VRK2: variants seen among roughly 807,000 people sequenced by gnomAD.
VRK2 encodes the protein serine/threonine-protein kinase VRK2.
Under a neutral mutation model 57.6 loss-of-function variants are expected in VRK2, and 60 were observed. That is an observed-to-expected ratio of 1.04 (90% CI 0.85 to 1.29). The LOEUF is 1.29. VRK2 is among the 50% of genes most tolerant of loss of function. VRK2 has a pLI of 0.00. For synonymous variants in VRK2, 231 were observed against 199.2 expected (o/e 1.16, Z -1.35); for missense variants, 705 against 588.1 (o/e 1.20, Z -2.06).
intron 1 of VRK2, among the ~76,000 whole-genome samples, chr2:57,993,735 C>A (rs1488201018): frequency 2.0e-5 from 3 of 152,208 alleles, no homozygotes; most frequent in Non-Finnish European, 4.4e-5. Context: ...GGGGATGCTT[C>A]TCTTTAGGGG....
intron 7 of VRK2, among the ~76,000 whole-genome samples, chr2:58,107,150 T>C (rs1217737836): frequency 1.3e-5 from 2 of 150,652 alleles, no homozygotes; most frequent in Admixed American, 1.3e-4. Flanking sequence ...ATTTTTGCCT[T>C]ATGGTATCTT....
intron 7 of VRK2, among the ~76,000 whole-genome samples, chr2:58,112,401 C>T (rs1300097051): frequency 3.3e-5 from 5 of 152,076 alleles, no homozygotes; most frequent in Non-Finnish European, 4.4e-5. Context: ...ATTTTCTAGC[C>T]TTCCCTCCCC....
intron 1 of VRK2, among the ~76,000 whole-genome samples, chr2:57,925,858 T>C (rs1351846175): frequency 6.6e-6 from 1 of 151,890 alleles, no homozygotes; most frequent in Non-Finnish European, 1.5e-5. Context: ...TTGATATAGA[T>C]GTGTATAGCT....
chr2:58,064,907 A>G (rs1483273485), intron 2 of VRK2, among the ~76,000 whole-genome samples: 1 of 152,112 alleles, frequency 6.6e-6, no homozygotes, highest in Non-Finnish European at 1.5e-5. Context: ...TCCAGGAAAC[A>G]AATACCAGTA....
chr2:57,990,860 C>T (rs1428809868), intron 1 of VRK2, among the ~76,000 whole-genome samples: 1 of 112,996 alleles, frequency 8.8e-6, no homozygotes, highest in South Asian at 2.6e-4. Flanking sequence ...GACATACACA[C>T]ACACACACAC....
At chr2:58,134,800 A>G (rs1011590958) in intron 9 of VRK2, among the ~76,000 whole-genome samples, 1 of 152,158 alleles carries the variant, frequency 6.6e-6, no homozygotes, top group East Asian at 1.9e-4. Context: ...AAGTCGTGTC[A>G]TATAAAACTT....
At chr2:58,051,237 A>T (rs1675692321) in intron 2 of VRK2, among the ~76,000 whole-genome samples, 1 of 152,148 alleles carries the variant, frequency 6.6e-6, no homozygotes, top group Non-Finnish European at 1.5e-5. Flanking sequence ...TAGTATCTGA[A>T]CTTTAGAACC....
rs879272262 is a variant in VRK2 at position 57,993,481 on chromosome 2, TA to T, written c.-438-32170del. On this transcript the variant is annotated intron_variant, in intron 1 of 15. Coordinates refer to the VRK2 transcript ENST00000417641. ...AAAAAGCCATGTCCCTGCTCTGCTT[TA>T]AAAAAAAAAAAAAGTAGCAAAAACT... Among the ~76,000 whole-genome samples the T allele has an allele frequency of 4.6e-3, 657 of 142,424 alleles. 1 individual carries two copies. Among genetic ancestry groups the T allele is most frequent in the Middle Eastern group, 0.011 (3 of 276 alleles). 93.4% of individuals were successfully genotyped at this position (142,424 alleles called of 152,430 possible).
chr2:58,092,059 A>T (rs1672458192), intron 7 of VRK2, among the ~76,000 whole-genome samples: 1 of 152,196 alleles, frequency 6.6e-6, no homozygotes, highest in Admixed American at 6.5e-5. Flanking sequence ...AGTAAATGTC[A>T]CGCTTTTAAA....
At chr2:58,081,388 G>T (rs1188238063) in intron 2 of VRK2, among the ~76,000 whole-genome samples, 1 of 151,752 alleles carries the variant, frequency 6.6e-6, no homozygotes, top group Non-Finnish European at 1.5e-5. Flanking sequence ...AAAAATGTAT[G>T]GCTAAAAATT....
At chr2:58,010,660 T>A (rs1159435497) in intron 1 of VRK2, among the ~76,000 whole-genome samples, 1 of 152,116 alleles carries the variant, frequency 6.6e-6, no homozygotes, top group African/African-American at 2.4e-5. Context: ...ACAGGCATGC[T>A]TGTGATTGTT....
chr2:58,003,032 C>T (rs1373213195), intron 1 of VRK2, among the ~76,000 whole-genome samples: 1 of 152,104 alleles, frequency 6.6e-6, no homozygotes, highest in African/African-American at 2.4e-5. Context: ...AGTATGTACA[C>T]TACAATTTAG....
intron 1 of VRK2, among the ~76,000 whole-genome samples, chr2:57,990,036 A>G (rs1672714253): frequency 6.6e-6 from 1 of 152,206 alleles, no homozygotes; most frequent in Non-Finnish European, 1.5e-5. Context: ...CCACACACAG[A>G]AAGATTCTGC....
At chr2:58,086,468 T>C in intron 5 of VRK2, 42 bp downstream of exon 5, 1 of 1,506,612 alleles carries the variant, frequency 6.6e-7, no homozygotes, top group Middle Eastern at 1.8e-4. Context: ...TTTATAACTA[T>C]TCCTTATGTG....
At chr2:58,107,194 A>G (rs532963867) in intron 7 of VRK2, among the ~76,000 whole-genome samples, 3 of 152,274 alleles carry the variant, frequency 2.0e-5, no homozygotes, top group South Asian at 4.1e-4. Flanking sequence ...TCCCTATTCA[A>G]ATAAGATAAA....
At chr2:58,061,780 G>A (rs1370412134) in intron 2 of VRK2, among the ~76,000 whole-genome samples, 1 of 151,942 alleles carries the variant, frequency 6.6e-6, no homozygotes, top group East Asian at 1.9e-4. Flanking sequence ...ATAAGAAATT[G>A]TAAATATGAC....
chr2:57,941,811 G>C (rs1008293700), intron 1 of VRK2, among the ~76,000 whole-genome samples: 1 of 152,176 alleles, frequency 6.6e-6, no homozygotes, highest in African/African-American at 2.4e-5. Context: ...AGTGACACTT[G>C]AAATGTACTC....
intron 1 of VRK2, among the ~76,000 whole-genome samples, chr2:57,941,121 C>G (rs146379065): frequency 2.6e-5 from 4 of 152,264 alleles, no homozygotes; most frequent in African/African-American, 9.6e-5. Context: ...ACTCACTCTT[C>G]CGTAAGAAAT....
intron 1 of VRK2, among the ~76,000 whole-genome samples, chr2:57,971,309 G>A (rs988023643): frequency 6.6e-6 from 1 of 151,974 alleles, no homozygotes; most frequent in African/African-American, 2.4e-5. Flanking sequence ...TACCATTGAG[G>A]ATTGTCATGG....
Sources: gnomAD v4.1 joint callset for allele counts (sites outside exome capture counted in the v4.1 genomes callset) on GRCh38, gnomAD v4.1.1 for gene constraint, MANE v1.5 for transcripts, NCBI Gene and HGNC (gene_info 2026-07-23, HGNC 2026-07-21) for gene names.